The following AMBRA1 variants were observed in gnomAD, a reference collection of about 807,000 sequenced individuals.
The protein encoded by AMBRA1 is autophagy and beclin 1 regulator 1, also known as activating molecule in BECN1-regulated autophagy protein 1.
In AMBRA1, 47 loss-of-function variants were observed where a neutral mutation model predicts 125.4. The observed-to-expected ratio is 0.37, with a 90% CI of 0.30 to 0.48. The LOEUF (loss-of-function observed/expected upper bound fraction) is 0.48, where lower values mean the gene tolerates loss of function less well. Among genes scored for constraint, AMBRA1 ranks in the 20% least tolerant of loss-of-function variants. The pLI is 0.99. For missense variants in AMBRA1, 1,331 were observed against 1,693.4 expected, an observed-to-expected ratio of 0.79 and a Z score of 3.76; for synonymous variants, 626 against 655.5, an observed-to-expected ratio of 0.95 and a Z score of 0.69.
intron 14 of AMBRA1, among the ~76,000 whole-genome samples, chr11:46,423,793 C>T (rs1590766001): frequency 2.3e-5 from 3 of 130,940 alleles, no homozygotes; most frequent in Admixed American, 7.7e-5. Flanking sequence ...GATGGAGTTC[C>T]GCTCTTGCTG....
chr11:46,579,045 TAAAAAAAAAAA>T (rs11393945), intron 1 of AMBRA1, among the ~76,000 whole-genome samples: 2 of 68,040 alleles, frequency 2.9e-5, no homozygotes, highest in Non-Finnish European at 6.0e-5. Flanking sequence ...AAGAAAGCAA[TAAAAAAAAAAA>T]AAAAAAAAAG....
At chr11:46,497,208 T>C (rs181064996) in intron 9 of AMBRA1, among the ~76,000 whole-genome samples, 1 of 152,142 alleles carries the variant, frequency 6.6e-6, no homozygotes, top group African/African-American at 2.4e-5. Context: ...CCAACATTTT[T>C]AAAAACTGAT....
At chr11:46,498,221 C>T (rs922303580) in intron 9 of AMBRA1, among the ~76,000 whole-genome samples, 4 of 152,144 alleles carry the variant, frequency 2.6e-5, no homozygotes, top group African/African-American at 7.2e-5. Context: ...AACAACATAG[C>T]CAACACCCTT....
In AMBRA1 at chr11:46,400,473, G is replaced by GTTTTTTTTTTTTTTTTTTTTTTTTT. The variant is rs553040136; in HGVS notation, c.3404-2555_3404-2531dup. The stretch of plus-strand genomic sequence containing the variant: ...CCTCATGCTTCTAGTTCTTTCTATA[G>GTTTTTTTTTTTTTTTTTTTTTTTTT]TTTTTTTTTTTTTTTTTTTTTTTTT... On this transcript the variant is annotated intron_variant, in intron 17 of 17. Coordinates refer to ENST00000683756, the MANE Select transcript of AMBRA1 (RefSeq NM_001387011.1). Among the ~76,000 whole-genome samples, 3 of 48,874 alleles carry GTTTTTTTTTTTTTTTTTTTTTTTTT rather than the reference G, an allele frequency of 6.1e-5. 1 individual carries two copies. The highest frequency in any genetic ancestry group is 1.2e-4 in the Non-Finnish European group (3 of 24,038). 32.1% of individuals were successfully genotyped at this position (48,874 alleles called of 152,430 possible).
chr11:46,569,440 A>AAAAAATATATATATAT (rs1477022124), intron 1 of AMBRA1, among the ~76,000 whole-genome samples: 6 of 131,368 alleles, frequency 4.6e-5, no homozygotes, highest in African/African-American at 1.8e-4. Context: ...AAAAAAAAAA[A>AAAAAATATATATATAT]ATATATATAT....
At chr11:46,553,352 T>C (rs996505467) in intron 1 of AMBRA1, among the ~76,000 whole-genome samples, 3 of 152,182 alleles carry the variant, frequency 2.0e-5, no homozygotes, top group African/African-American at 7.2e-5. Flanking sequence ...CAACCAGATG[T>C]ATCCAAATAC....
chr11:46,409,135 A>G (rs542625380), intron 16 of AMBRA1, among the ~76,000 whole-genome samples: 4 of 152,320 alleles, frequency 2.6e-5, no homozygotes, highest in East Asian at 3.9e-4. Context: ...CTGTATGCTC[A>G]TAAGATTCCA....
At chr11:46,584,241 G>A (rs1415271702) in intron 1 of AMBRA1, among the ~76,000 whole-genome samples, 1 of 147,922 alleles carries the variant, frequency 6.8e-6, no homozygotes, top group East Asian at 2.0e-4. Context: ...GATGAAATTG[G>A]AAATCATCAT....
intron 11 of AMBRA1, among the ~76,000 whole-genome samples, chr11:46,458,634 T>A (rs146592179): frequency 6.6e-4 from 100 of 152,322 alleles, no homozygotes; most frequent in African/African-American, 2.3e-3. Flanking sequence ...TCTTGCTCTG[T>A]CGCCCAGGCT....
At chr11:46,575,463 A>T (rs1293606228) in intron 1 of AMBRA1, among the ~76,000 whole-genome samples, 1 of 151,632 alleles carries the variant, frequency 6.6e-6, no homozygotes, top group Non-Finnish European at 1.5e-5. Flanking sequence ...GTCTAAAAAA[A>T]AAAAAAACTA....
intron 15 of AMBRA1, 29 bp downstream of exon 15, chr11:46,417,884 C>A: frequency 1.3e-6 from 2 of 1,576,642 alleles, no homozygotes; most frequent in Non-Finnish European, 8.7e-7. Flanking sequence ...CCCAGTGATC[C>A]CTCAACCCCC....
intron 11 of AMBRA1, among the ~76,000 whole-genome samples, chr11:46,455,913 C>G (rs1039525251): frequency 1.3e-3 from 198 of 152,170 alleles, no homozygotes; most frequent in African/African-American, 4.6e-3. Flanking sequence ...TGAAGTCAAG[C>G]TGAGATGCTC....
chr11:46,541,795 C>G, intron 7 of AMBRA1, 150 bp downstream of exon 7: 1 of 1,062,152 alleles, frequency 9.4e-7, no homozygotes, highest in Non-Finnish European at 1.3e-6. Flanking sequence ...GCCACCAGAG[C>G]AAGATTTTCC....
chr11:46,416,124 G>A (rs915710465), intron 15 of AMBRA1, among the ~76,000 whole-genome samples: 2 of 152,208 alleles, frequency 1.3e-5, no homozygotes, highest in African/African-American at 4.8e-5. Context: ...AGAAAGGCCT[G>A]TAACTGAAGT....
At chr11:46,424,042 C>A (rs977890307) in intron 14 of AMBRA1, among the ~76,000 whole-genome samples, 1 of 151,980 alleles carries the variant, frequency 6.6e-6, no homozygotes. Flanking sequence ...GGATTACAGG[C>A]ATGAGCCACC....
intron 7 of AMBRA1, among the ~76,000 whole-genome samples, chr11:46,523,995 C>T (rs140625586): frequency 1.3e-5 from 2 of 152,066 alleles, no homozygotes; most frequent in Admixed American, 6.6e-5. Context: ...CAGCGTCCCA[C>T]GTAGCTGGGA....
chr11:46,591,194 C>A (rs1463659656), intron 1 of AMBRA1: 1 of 152,176 alleles, frequency 6.6e-6, no homozygotes, highest in African/African-American at 2.4e-5. Context: ...CTAAATTCTA[C>A]GCAGAACTTA....
intron 7 of AMBRA1, among the ~76,000 whole-genome samples, chr11:46,513,922 C>G (rs1951372251): frequency 6.7e-6 from 1 of 148,234 alleles, no homozygotes; most frequent in African/African-American, 2.5e-5. Flanking sequence ...CCAGTCAGAA[C>G]ACGTATAATA....
At chr11:46,564,539 A>G (rs2043456100) in intron 1 of AMBRA1, among the ~76,000 whole-genome samples, 1 of 152,098 alleles carries the variant, frequency 6.6e-6, no homozygotes. Context: ...TGCTCTAACC[A>G]TTATACAATA....
Sources: allele counts gnomAD v4.1 joint callset (sites outside exome capture counted in the v4.1 genomes callset), GRCh38; gene constraint gnomAD v4.1.1; transcripts MANE v1.5; gene names NCBI Gene and HGNC (gene_info 2026-07-23, HGNC 2026-07-21).